The following CLEC4A variants were observed in gnomAD, a reference collection of about 807,000 sequenced individuals.
CLEC4A encodes the protein C-type (calcium dependent, carbohydrate-recognition domain) lectin, superfamily member 6.
In CLEC4A, 27 loss-of-function variants were observed where a neutral mutation model predicts 32.7. The observed-to-expected ratio is 0.83, with a 90% CI of 0.61 to 1.14. The LOEUF (loss-of-function observed/expected upper bound fraction) is 1.14. Ranked by LOEUF, CLEC4A falls within the 50% of genes most tolerant of loss-of-function variation. The pLI, the probability that CLEC4A is intolerant of heterozygous loss-of-function variation, is 0.00. For synonymous variants in CLEC4A, 89 were observed against 93.7 expected, an observed-to-expected ratio of 0.95 and a Z score of 0.29; for missense variants, 253 against 274.6, an observed-to-expected ratio of 0.92 and a Z score of 0.55.
At chr12:8,104,422 A>T in the CLEC4A span, among the ~76,000 whole-genome samples, 2 of 152,222 alleles carry the variant, frequency 1.3e-5, no homozygotes, top group African/African-American at 4.8e-5. Flanking sequence ...ATTACAAATC[A>T]AGCCATTTGG....
chr12:8,108,695 A>C, the CLEC4A span, among the ~76,000 whole-genome samples: 1 of 152,222 alleles, frequency 6.6e-6, no homozygotes, highest in Non-Finnish European at 1.5e-5. Flanking sequence ...AAAGACCTAC[A>C]ATACAGGGTG....
intron 5 of CLEC4A, among the ~76,000 whole-genome samples, chr12:8,137,843 T>A (rs183685986): frequency 3.6e-4 from 55 of 152,258 alleles, no homozygotes; most frequent in Admixed American, 9.8e-4. Context: ...TATAGGTTGA[T>A]GGACCCATAG....
chr12:8,130,320 A>AT (rs1326779224), intron 3 of CLEC4A, among the ~76,000 whole-genome samples: 1 of 151,996 alleles, frequency 6.6e-6, no homozygotes, highest in Non-Finnish European at 1.5e-5. Flanking sequence ...TGTGATGATG[A>AT]TTTTTTTATG....
At chr12:8,103,533 A>ACC in the CLEC4A span, among the ~76,000 whole-genome samples, 1 of 151,406 alleles carries the variant, frequency 6.6e-6, no homozygotes, top group Admixed American at 6.6e-5. Context: ...CTACAGGGGC[A>ACC]CGCCACCACG....
the CLEC4A span, among the ~76,000 whole-genome samples, chr12:8,113,298 A>T: frequency 6.6e-6 from 1 of 151,958 alleles, no homozygotes; most frequent in Admixed American, 6.5e-5. Context: ...ACATGAACTC[A>T]TCATTTTTTA....
At position 8,123,827 on chromosome 12, in the gene CLEC4A, A is replaced by C. The variant is rs1947856755; in HGVS notation, c.-52A>C. The C allele has an allele frequency of 1.5e-6, 2 of 1,295,720 alleles. 1 individual carries two copies. Among genetic ancestry groups the C allele is most frequent in the Non-Finnish European group, 2.2e-6 (2 of 891,670 alleles). 80.3% of individuals were successfully genotyped at this position (1,295,720 alleles called of 1,614,324 possible). A position where few individuals can be genotyped will look rare whatever the true frequency, so the allele number is the denominator to read the frequency against. ...TTGGTTCCTGTTTATAAGATGTTTT[A>C]AGAAAGATCTGAAACAGATTTTCTG... On this transcript the variant is annotated 5_prime_UTR_variant, in exon 1 of 6. An upstream open reading frame in the 5' UTR loses its in-frame stop. Coordinates refer to ENST00000229332, the MANE Select transcript of CLEC4A (RefSeq NM_016184.4).
chr12:8,124,483 T>C (rs922552082), intron 1 of CLEC4A, among the ~76,000 whole-genome samples: 3 of 152,234 alleles, frequency 2.0e-5, no homozygotes, highest in Non-Finnish European at 4.4e-5. Flanking sequence ...GAAAGTCTCT[T>C]AAATCTCCAG....
chr12:8,111,317 T>C, the CLEC4A span, among the ~76,000 whole-genome samples: 1 of 151,718 alleles, frequency 6.6e-6, no homozygotes, highest in Non-Finnish European at 1.5e-5. Context: ...ATAGCTGGGA[T>C]TACAGGCGTG....
the CLEC4A span, among the ~76,000 whole-genome samples, chr12:8,107,828 A>G: frequency 6.8e-6 from 1 of 146,696 alleles, no homozygotes; most frequent in Non-Finnish European, 1.5e-5. Flanking sequence ...TTGTTGTTTT[A>G]AAAAACAAAC....
chr12:8,128,791 GGA>G (rs1947943754), intron 2 of CLEC4A, among the ~76,000 whole-genome samples: 1 of 152,294 alleles, frequency 6.6e-6, no homozygotes, highest in African/African-American at 2.4e-5. Context: ...CAGTTGGGAT[GGA>G]GAGAGTAATG....
the CLEC4A span, among the ~76,000 whole-genome samples, chr12:8,108,931 G>GA: frequency 5.3e-5 from 8 of 151,640 alleles, no homozygotes; most frequent in East Asian, 1.9e-4. Flanking sequence ...CCTATTATTG[G>GA]AAAAAAAAGT....
intron 4 of CLEC4A, 51 bp downstream of exon 4, chr12:8,135,787 T>G: frequency 3.8e-6 from 6 of 1,584,238 alleles, no homozygotes; most frequent in Non-Finnish European, 5.2e-6. Context: ...TCTTTGTATA[T>G]CTCTCTTGGC....
intron 3 of CLEC4A, among the ~76,000 whole-genome samples, chr12:8,131,833 T>TAC (rs1191743650): frequency 6.6e-6 from 1 of 150,818 alleles, no homozygotes; most frequent in Non-Finnish European, 1.5e-5. Flanking sequence ...TCTATATATA[T>TAC]ATATATCTCT....
chr12:8,110,841 C>A, the CLEC4A span, among the ~76,000 whole-genome samples: 1 of 152,036 alleles, frequency 6.6e-6, no homozygotes, highest in South Asian at 2.1e-4. Context: ...GCAAAGTAAA[C>A]CATTGTCAAT....
At chr12:8,123,605 T>C (rs144581003), upstream of CLEC4A, 28 of 289,552 alleles carry the variant, frequency 9.7e-5, no homozygotes, top group African/African-American at 5.9e-4. Context: ...CCCACTTTTA[T>C]TGCATTTGCT....
chr12:8,112,257 C>T, the CLEC4A span, among the ~76,000 whole-genome samples: 4 of 152,048 alleles, frequency 2.6e-5, no homozygotes, highest in South Asian at 2.1e-4. Flanking sequence ...CATGAGCTAC[C>T]GCACCTGGCC....
rs146492075 is a variant in CLEC4A, at chr12:8,136,620, C to T, written c.451-168C>T. 2.6e-3 allele frequency among the ~76,000 whole-genome samples: 391 copies of T among 151,814 alleles called. 1 individual carries two copies. The highest frequency in any genetic ancestry group is 9.1e-3 in the African/African-American group (377 of 41,396). On this transcript the variant is annotated intron_variant, in intron 4 of 5. Transcript: ENST00000229332. ...ATGTACTGAACATCATGCTTACAAG[C>T]GATGTCTTTGATTCTGCCCTGCTCA...
the CLEC4A span, among the ~76,000 whole-genome samples, chr12:8,111,268 C>T: frequency 1.3e-5 from 2 of 149,612 alleles, no homozygotes; most frequent in Non-Finnish European, 3.0e-5. Context: ...CAACCTCTGC[C>T]TCCCAGGTTC....
At chr12:8,121,903 T>G (rs148931185), upstream of CLEC4A, 1 of 153,254 alleles carries the variant, frequency 6.5e-6, no homozygotes, top group Non-Finnish European at 1.5e-5. Flanking sequence ...TATGTCAGCA[T>G]GTGGGAGAGG....
Sources: gnomAD v4.1 joint callset for allele counts (sites outside exome capture counted in the v4.1 genomes callset) on GRCh38, gnomAD v4.1.1 for gene constraint, MANE v1.5 for transcripts, NCBI Gene and HGNC (gene_info 2026-07-23, HGNC 2026-07-21) for gene names.